The following CPNE4 variants were observed in gnomAD, a reference collection of about 807,000 sequenced individuals.
The protein encoded by CPNE4 is copine 4.
In CPNE4, 25 loss-of-function variants were observed where a neutral mutation model predicts 67.9. That is an observed-to-expected ratio of 0.37 (90% CI 0.27 to 0.51). The LOEUF (loss-of-function observed/expected upper bound fraction) is 0.51, where lower values mean the gene tolerates loss of function less well. Among genes scored for constraint, CPNE4 ranks in the 20% least tolerant of loss-of-function variants. The pLI is 0.93. For missense variants in CPNE4, 464 were observed against 690.8 expected, an observed-to-expected ratio of 0.67 and a Z score of 3.68; for synonymous variants, 242 against 244.9, an observed-to-expected ratio of 0.99 and a Z score of 0.11.
At chr3:131,552,601 T>C (rs1233544378) in intron 12 of CPNE4, 110 bp from the exon 13 acceptor site, 7 of 776,056 alleles carry the variant, frequency 9.0e-6, no homozygotes, top group Middle Eastern at 2.4e-4. Flanking sequence ...ATTATATTCA[T>C]TATGTGTTAA....
chr3:131,752,834 G>C (rs968931611), intron 2 of CPNE4, among the ~76,000 whole-genome samples: 1 of 151,984 alleles, frequency 6.6e-6, no homozygotes, highest in African/African-American at 2.4e-5. Flanking sequence ...TCCAAAACTA[G>C]TATACGAATT....
intron 7 of CPNE4, among the ~76,000 whole-genome samples, chr3:131,657,119 CTATT>C (rs1222557055): frequency 6.6e-6 from 1 of 152,102 alleles, no homozygotes; most frequent in Non-Finnish European, 1.5e-5. Context: ...CTGCTATTTA[CTATT>C]TATTATTAAT....
At chr3:131,644,441 A>G (rs991458315) in intron 7 of CPNE4, among the ~76,000 whole-genome samples, 6 of 152,162 alleles carry the variant, frequency 3.9e-5, no homozygotes, top group African/African-American at 7.2e-5. Flanking sequence ...GCCACCAGGC[A>G]TGGCTGAGAA....
chr3:131,606,530 C>T (rs757414124), intron 7 of CPNE4, among the ~76,000 whole-genome samples: 4 of 152,162 alleles, frequency 2.6e-5, no homozygotes, highest in South Asian at 4.1e-4. Context: ...CTGGACCCTC[C>T]GTTTTATCAC....
At chr3:131,792,619 G>GTA (rs1163869780) in intron 2 of CPNE4, among the ~76,000 whole-genome samples, 662 of 56,822 alleles carry the variant, frequency 0.012, 12 homozygotes, top group African/African-American at 0.035. Flanking sequence ...GTGTATATAT[G>GTA]TATATATATA....
At chr3:131,950,892 T>C (rs927911570) in intron 1 of CPNE4, among the ~76,000 whole-genome samples, 1 of 152,206 alleles carries the variant, frequency 6.6e-6, no homozygotes, top group African/African-American at 2.4e-5. Flanking sequence ...TTGTGGTTAT[T>C]TGTTTACATT....
At chr3:131,543,304 A>G (rs1009616934) in intron 14 of CPNE4, among the ~76,000 whole-genome samples, 1 of 152,242 alleles carries the variant, frequency 6.6e-6, no homozygotes, top group Non-Finnish European at 1.5e-5. Flanking sequence ...ATTTTATTTA[A>G]TTGTAATGAA....
intron 7 of CPNE4, among the ~76,000 whole-genome samples, chr3:131,601,971 TTAAAACACTAATTTGCA>T (rs774731066): frequency 0.011 from 1,615 of 152,262 alleles, 20 homozygotes; most frequent in Non-Finnish European, 0.015. Context: ...TCCTCATCTG[TTAAAACACTAATTTGCA>T]TTGGAGGAAC....
intron 2 of CPNE4, among the ~76,000 whole-genome samples, chr3:131,747,688 C>T (rs1460353057): frequency 2.0e-5 from 3 of 152,098 alleles, no homozygotes; most frequent in African/African-American, 4.8e-5. Flanking sequence ...ACATGTTAAT[C>T]GTTGGTGTAT....
intron 2 of CPNE4, among the ~76,000 whole-genome samples, chr3:131,799,621 A>C (rs543556997): frequency 2.0e-5 from 3 of 152,286 alleles, no homozygotes; most frequent in African/African-American, 7.2e-5. Flanking sequence ...ATTCCTCAGC[A>C]ACCCTGAATG....
chr3:131,581,531 C>A, intron 9 of CPNE4, 48 bp downstream of exon 9: 1 of 1,247,052 alleles, frequency 8.0e-7, no homozygotes, highest in South Asian at 1.2e-5. Flanking sequence ...CTCTTCCTCT[C>A]AGATAGCCCT....
In CPNE4 at chr3:131,858,044, A is replaced by G. The variant is rs185644853; in HGVS notation, c.180+47220T>C. Among the ~76,000 whole-genome samples the G allele has an allele frequency of 1.6e-3, 240 of 152,262 alleles. 2 individuals are homozygous for G. The highest frequency in any genetic ancestry group is 5.2e-3 in the African/African-American group (218 of 41,582). On this transcript the variant is annotated intron_variant, in intron 2 of 15. Coordinates refer to ENST00000429747, the MANE Select transcript of CPNE4 (RefSeq NM_130808.3). ...AATAACCATATATATATTTCTTTAGAGATTTTTTATTAATTTAAAAATATC... is the reference window on the plus strand; with the variant it reads ...AATAACCATATATATATTTCTTTAGGGATTTTTTATTAATTTAAAAATATC...
chr3:131,726,389 T>C (rs566647244), intron 2 of CPNE4, among the ~76,000 whole-genome samples: 3 of 152,102 alleles, frequency 2.0e-5, no homozygotes, highest in African/African-American at 7.2e-5. Context: ...CATTAAGTGA[T>C]AAACATTTGT....
intron 9 of CPNE4, 44 bp downstream of exon 9, chr3:131,581,535 T>C (rs763609536): frequency 7.1e-6 from 9 of 1,276,102 alleles, no homozygotes; most frequent in African/African-American, 5.8e-5. Context: ...TCCTCTCAGA[T>C]AGCCCTAGCT....
At chr3:131,683,822 C>G (rs2080818000) in intron 6 of CPNE4, among the ~76,000 whole-genome samples, 1 of 152,178 alleles carries the variant, frequency 6.6e-6, no homozygotes, top group African/African-American at 2.4e-5. Context: ...ATTGCCAGAA[C>G]TCAGGTTTCT....
chr3:131,794,325 A>G (rs185432618), intron 2 of CPNE4, among the ~76,000 whole-genome samples: 4 of 151,174 alleles, frequency 2.6e-5, no homozygotes, highest in South Asian at 4.2e-4. Context: ...GCAACCTGCA[A>G]CCTCCTCCTC....
chr3:131,682,310 G>C (rs1318677132), intron 6 of CPNE4, among the ~76,000 whole-genome samples: 1 of 152,114 alleles, frequency 6.6e-6, no homozygotes, highest in African/African-American at 2.4e-5. Flanking sequence ...AGGGATTTGG[G>C]TGTCGTGGTC....
chr3:131,923,082 ACT>A lies in CPNE4; in HGVS notation c.-1-17640_-1-17639del, dbSNP rs143630488. ...TGGACCAGTTCATTGAACATGTGGG[ACT>A]CTTTGGCAAGTTCTGTAAAGAAATT... On this transcript the variant is annotated intron_variant, in intron 1 of 15. Transcript: ENST00000429747. 7.2e-4 allele frequency among the ~76,000 whole-genome samples: 110 copies of A among 152,236 alleles called. 1 individual carries two copies. The highest frequency in any genetic ancestry group is 2.5e-3 in the African/African-American group (105 of 41,532).
chr3:132,007,646 GTTCA>G (rs889898462), intron 1 of CPNE4, among the ~76,000 whole-genome samples: 9 of 151,410 alleles, frequency 5.9e-5, no homozygotes, highest in Non-Finnish European at 1.3e-4. Flanking sequence ...TCATTCAACA[GTTCA>G]TTCATTAAAA....
Sources: allele counts gnomAD v4.1 joint callset (sites outside exome capture counted in the v4.1 genomes callset), GRCh38; gene constraint gnomAD v4.1.1; transcripts MANE v1.5; gene names NCBI Gene and HGNC (gene_info 2026-07-23, HGNC 2026-07-21).